Variants in PPARGC1A observed in about 807,000 individuals in gnomAD.
PPARGC1A encodes PPARG coactivator 1 alpha, also known as peroxisome proliferator-activated receptor gamma coactivator 1-alpha.
PPARGC1A carries 25 observed loss-of-function variants against 88.7 expected under a neutral mutation model. The observed-to-expected ratio is 0.28, with a 90% CI of 0.21 to 0.39. The LOEUF (loss-of-function observed/expected upper bound fraction) is 0.39, where lower values mean the gene tolerates loss of function less well. Among genes scored for constraint, PPARGC1A ranks in the 10% least tolerant of loss-of-function variants. The pLI is 1.00. For missense variants in PPARGC1A, 880 were observed against 968.7 expected, an observed-to-expected ratio of 0.91 and a Z score of 1.22; for synonymous variants, 363 against 355.6, an observed-to-expected ratio of 1.02 and a Z score of -0.24.
At chr4:23,892,870 A>G (rs1025674260), upstream of PPARGC1A, among the ~76,000 whole-genome samples, 1 of 152,160 alleles carries the variant, frequency 6.6e-6, no homozygotes, top group African/African-American at 2.4e-5. Flanking sequence ...AATGGGGAAT[A>G]ATTTGGTATG....
At chr4:24,320,061 G>C in the PPARGC1A span, among the ~76,000 whole-genome samples, 1 of 152,156 alleles carries the variant, frequency 6.6e-6, no homozygotes, top group East Asian at 1.9e-4. Context: ...GAATTGAATG[G>C]TGCAAGAGGA....
chr4:23,986,275 AG>A, the PPARGC1A span, among the ~76,000 whole-genome samples: 1 of 152,128 alleles, frequency 6.6e-6, no homozygotes, highest in Non-Finnish European at 1.5e-5. Flanking sequence ...TACTTAATAA[AG>A]ATTAGCTAGG....
At chr4:23,926,821 T>C in the PPARGC1A span, among the ~76,000 whole-genome samples, 1 of 152,240 alleles carries the variant, frequency 6.6e-6, no homozygotes, top group Non-Finnish European at 1.5e-5. Context: ...ACTCATCTAC[T>C]ACTGCACCCA....
chr4:23,858,583 A>G (rs1730631691), intron 2 of PPARGC1A, among the ~76,000 whole-genome samples: 1 of 152,182 alleles, frequency 6.6e-6, no homozygotes, highest in African/African-American at 2.4e-5. Context: ...AAGCCCCTTT[A>G]AGTCCTGGTT....
At chr4:23,962,121 T>G in the PPARGC1A span, among the ~76,000 whole-genome samples, 2 of 148,386 alleles carry the variant, frequency 1.3e-5, no homozygotes, top group Non-Finnish European at 2.9e-5. Flanking sequence ...TCTCATCTTT[T>G]TATTTTTTTT....
chr4:24,415,673 C>T, the PPARGC1A span, among the ~76,000 whole-genome samples: 1 of 152,144 alleles, frequency 6.6e-6, no homozygotes, highest in Non-Finnish European at 1.5e-5. Context: ...ATGGCAATTA[C>T]GAATACATAT....
chr4:24,299,955 A>C, the PPARGC1A span, among the ~76,000 whole-genome samples: 1 of 152,194 alleles, frequency 6.6e-6, no homozygotes. Flanking sequence ...CAGAAATCAC[A>C]TGGGTTTTTG....
chr4:23,994,572 C>T, the PPARGC1A span, among the ~76,000 whole-genome samples: 1 of 152,108 alleles, frequency 6.6e-6, no homozygotes, highest in Non-Finnish European at 1.5e-5. Context: ...GTGACACTTT[C>T]AGGTTTCCAT....
At chr4:24,332,435 T>C in the PPARGC1A span, among the ~76,000 whole-genome samples, 13 of 152,216 alleles carry the variant, frequency 8.5e-5, no homozygotes, top group Non-Finnish European at 1.6e-4. Flanking sequence ...TTTTGCTCAC[T>C]ATGGTAAACA....
At chr4:23,888,802 A>G in intron 1 of PPARGC1A, 1 of 381,666 alleles carries the variant, frequency 2.6e-6, no homozygotes, top group Non-Finnish European at 3.6e-6. Context: ...ATCTTATTTA[A>G]TCAAATCACG....
the PPARGC1A span, among the ~76,000 whole-genome samples, chr4:24,072,806 A>T: frequency 2.0e-5 from 3 of 152,180 alleles, no homozygotes; most frequent in Non-Finnish European, 2.9e-5. Flanking sequence ...CTAATATAAC[A>T]TTAGAATTCT....
At chr4:24,113,670 T>C in the PPARGC1A span, among the ~76,000 whole-genome samples, 43 of 152,304 alleles carry the variant, frequency 2.8e-4, no homozygotes, top group African/African-American at 9.9e-4. Flanking sequence ...GAGGAGCTTC[T>C]CTTCTATGGG....
the PPARGC1A span, among the ~76,000 whole-genome samples, chr4:24,029,092 G>C: frequency 2.0e-5 from 3 of 152,088 alleles, no homozygotes; most frequent in Non-Finnish European, 4.4e-5. Context: ...TTGCTATGCT[G>C]TCCCTCCGTG....
chr4:23,928,295 C>G, the PPARGC1A span, among the ~76,000 whole-genome samples: 2 of 152,112 alleles, frequency 1.3e-5, no homozygotes, highest in Non-Finnish European at 2.9e-5. Context: ...CTTCTAGGCT[C>G]TATTTCTCTT....
chr4:24,418,528 C>T, the PPARGC1A span, among the ~76,000 whole-genome samples: 4 of 151,974 alleles, frequency 2.6e-5, no homozygotes, highest in Non-Finnish European at 4.4e-5. Flanking sequence ...TTCTAAACAC[C>T]GAGACACAAG....
At chr4:24,464,878 T>C in the PPARGC1A span, among the ~76,000 whole-genome samples, 1 of 152,094 alleles carries the variant, frequency 6.6e-6, no homozygotes, top group African/African-American at 2.4e-5. Flanking sequence ...CAGCGTAACC[T>C]CTTCTGGTCA....
chr4:24,076,427 A>G, the PPARGC1A span, among the ~76,000 whole-genome samples: 2 of 152,196 alleles, frequency 1.3e-5, no homozygotes, highest in African/African-American at 4.8e-5. Context: ...TCTTAGAATG[A>G]AAGTCACATA....
the PPARGC1A span, among the ~76,000 whole-genome samples, chr4:24,039,751 A>G: frequency 6.6e-6 from 1 of 152,086 alleles, no homozygotes; most frequent in Non-Finnish European, 1.5e-5. Context: ...ATGGAGAACA[A>G]CTCCTAGAGT....
chr4:24,426,343 G>T, the PPARGC1A span, among the ~76,000 whole-genome samples: 2 of 152,232 alleles, frequency 1.3e-5, no homozygotes, highest in South Asian at 2.1e-4. Flanking sequence ...AGGATGAAAA[G>T]TCCCAAGTGC....
Sources: gnomAD v4.1 joint callset for allele counts (sites outside exome capture counted in the v4.1 genomes callset) on GRCh38, gnomAD v4.1.1 for gene constraint, MANE v1.5 for transcripts, NCBI Gene and HGNC (gene_info 2026-07-23, HGNC 2026-07-21) for gene names.